MDM2: variants seen among roughly 807,000 people sequenced by gnomAD.
The protein encoded by MDM2 is E3 ubiquitin-protein ligase Mdm2.
A neutral mutation model predicts 64.3 loss-of-function variants in MDM2; 11 were observed. That is an observed-to-expected ratio of 0.17 (90% CI 0.11 to 0.28). The LOEUF (loss-of-function observed/expected upper bound fraction) is 0.28. MDM2 is among the 10% of genes least tolerant of loss of function. The pLI, the probability that MDM2 is intolerant of heterozygous loss-of-function variation, is 1.00. For missense variants in MDM2, 388 were observed against 577.1 expected, an observed-to-expected ratio of 0.67 and a Z score of 3.36; for synonymous variants, 194 against 192.9, an observed-to-expected ratio of 1.01 and a Z score of -0.05.
chr12:68,833,289 A>G (rs192113915), intron 8 of MDM2, among the ~76,000 whole-genome samples: 3,176 of 110,946 alleles, frequency 0.029, 225 homozygotes, highest in African/African-American at 0.1. Context: ...AAATATAAAT[A>G]TATATATTTA....
chr12:68,822,810 G>A (rs1381703212), intron 5 of MDM2, among the ~76,000 whole-genome samples: 1 of 151,402 alleles, frequency 6.6e-6, no homozygotes, highest in African/African-American at 2.4e-5. Flanking sequence ...GTGCGATCTC[G>A]GATCACTGCA....
chr12:68,809,237 C>T lies in MDM2; in HGVS notation c.44C>T (p.Pro15Leu), dbSNP rs201821879. 756 of 1,613,790 alleles carry T rather than the reference C, an allele frequency of 4.7e-4. No homozygotes were observed. Among genetic ancestry groups the T allele is most frequent in the Non-Finnish European group, 6.0e-4 (705 of 1,179,916 alleles). The change falls in exon 2 of 11, where the codon CCT (proline) becomes CTT (leucine). Residue 15 changes from proline (P) to leucine (L), a missense_variant. Around this residue, in one of 5 missense-constraint regions of MDM2, gnomAD observed 46 missense variants for 45.2 expected, o/e 1.02. Transcript: ENST00000258149. ...RQMCNTNMSV[P>L]TDGAVTTSQI... The stretch of plus-strand genomic sequence containing the variant: ...ATGTGCAATACCAACATGTCTGTAC[C>T]TACTGATGGTGCTGTAACCACCTCA...
chr12:68,810,173 A>G (rs1880739210), intron 2 of MDM2, among the ~76,000 whole-genome samples: 2 of 152,152 alleles, frequency 1.3e-5, no homozygotes, highest in South Asian at 4.2e-4. Context: ...TTAGTCGGGC[A>G]TGGTGGCGCG....
In MDM2 at chr12:68,844,964, C is replaced by G. The variant is rs1424918311; in HGVS notation, c.*5115C>G. The G allele has an allele frequency of 5.2e-6, 1 of 193,584 alleles. No homozygotes were observed. The highest frequency in any genetic ancestry group is 1.1e-5 in the Non-Finnish European group (1 of 92,796). 12.0% of individuals were successfully genotyped at this position (193,584 alleles called of 1,614,324 possible). ...TGTATTTCTAGCAGAGATGAAGTTTCACTATGTTGGCCAGGCTGGGCTCAA... is the reference window on the plus strand; with the variant it reads ...TGTATTTCTAGCAGAGATGAAGTTTGACTATGTTGGCCAGGCTGGGCTCAA... On this transcript the variant is annotated 3_prime_UTR_variant, in exon 11 of 11. Coordinates refer to ENST00000258149, the MANE Select transcript of MDM2 (RefSeq NM_002392.6).
chr12:68,812,254 T>A (rs1880971049), intron 2 of MDM2, among the ~76,000 whole-genome samples: 1 of 152,194 alleles, frequency 6.6e-6, no homozygotes, highest in Non-Finnish European at 1.5e-5. Flanking sequence ...GTATTTTAAA[T>A]TTTTCAATTG....
intron 1 of MDM2, 111 bp downstream of exon 1, chr12:68,808,602 GGGGGCTC>G (rs976674352): frequency 8.0e-6 from 12 of 1,493,130 alleles, no homozygotes; most frequent in African/African-American, 4.2e-5. Context: ...GTTCGTGGCT[GGGGGCTC>G]GGGGCGCGGG....
chr12:68,844,776 T>G lies in MDM2; in HGVS notation c.*4927T>G, dbSNP rs1295198604. 1 of 202,774 alleles carries G rather than the reference T, an allele frequency of 4.9e-6. No individual in the cohort carries two copies. The highest frequency in any genetic ancestry group is 7.5e-5 in the East Asian group (1 of 13,278). The allele number at this position is 202,774 out of a possible 1,614,324, so 12.6% of individuals were successfully genotyped here. ...AATAAGGGTTTTATTTTATTTTTAT[T>G]TATTTTTTGAGACGGAGTCTTGCTC... On this transcript the variant is annotated 3_prime_UTR_variant, in exon 11 of 11. Coordinates refer to ENST00000258149, the MANE Select transcript of MDM2 (RefSeq NM_002392.6).
chr12:68,808,528 G>C (rs774788632), intron 1 of MDM2, 37 bp downstream of exon 1: 3 of 1,613,528 alleles, frequency 1.9e-6, no homozygotes, highest in Admixed American at 1.7e-5. Flanking sequence ...TTTTGGGTCT[G>C]GGCTCTGACG....
rs1255740575 is a variant in MDM2, at chr12:68,841,767, C to G, written c.*1918C>G. The G allele has an allele frequency of 4.9e-6, 1 of 205,044 alleles. No individual in the cohort carries two copies. Among genetic ancestry groups the G allele is most frequent in the East Asian group, 7.5e-5 (1 of 13,352 alleles). 12.7% of individuals were successfully genotyped at this position (205,044 alleles called of 1,614,324 possible). The stretch of plus-strand genomic sequence containing the variant: ...GATAAACAGAATTGTTATTTAAAAA[C>G]TAACTGGAAAGATTGTTAAGTTCTT... On this transcript the variant is annotated 3_prime_UTR_variant, in exon 11 of 11. Transcript: ENST00000258149.
chr12:68,838,297 G>GCTATGCCTATGCT (rs1386089142), intron 10 of MDM2, among the ~76,000 whole-genome samples: 6 of 152,190 alleles, frequency 3.9e-5, no homozygotes, highest in Non-Finnish European at 8.8e-5. Context: ...GCTAAGGCAA[G>GCTATGCCTATGCT]AAGATAGGTT....
chr12:68,848,628 A>G (rs1172665394), downstream of MDM2: 3 of 152,322 alleles, frequency 2.0e-5, no homozygotes, highest in Non-Finnish European at 2.9e-5. Context: ...ATTGCTCCCT[A>G]CAAAAAAGGC....
chr12:68,845,764 TTTTG>T (rs1426993781), downstream of MDM2: 2 of 155,920 alleles, frequency 1.3e-5, no homozygotes, highest in Non-Finnish European at 1.4e-5. Context: ...AAATTTCACC[TTTTG>T]TTTGTTTTGT....
rs746756850 is a variant in MDM2, at chr12:68,844,224, TTAAAA to T, written c.*4378_*4382del. The T allele has an allele frequency of 9.5e-6, 2 of 211,626 alleles. No individual in the cohort carries two copies. Among genetic ancestry groups the T allele is most frequent in the Non-Finnish European group, 9.6e-6 (1 of 104,544 alleles). 13.1% of individuals were successfully genotyped at this position (211,626 alleles called of 1,614,324 possible). ...TTTGATCTTAAATTTTTATGAGTTG[TTAAAA>T]TAGAAATTATTTGAATATCATATAT... On this transcript the variant is annotated 3_prime_UTR_variant, in exon 11 of 11. Transcript: ENST00000258149.
At chr12:68,825,536 C>A (rs1221688224) in intron 7 of MDM2, among the ~76,000 whole-genome samples, 1 of 152,098 alleles carries the variant, frequency 6.6e-6, no homozygotes, top group Non-Finnish European at 1.5e-5. Context: ...GCCTGTAGTC[C>A]CAGCTACTCG....
intron 7 of MDM2, among the ~76,000 whole-genome samples, chr12:68,825,580 G>A (rs1882245481): frequency 6.6e-6 from 1 of 152,226 alleles, no homozygotes; most frequent in Non-Finnish European, 1.5e-5. Flanking sequence ...ATGAACTGGG[G>A]AGGCAGAGCT....
chr12:68,822,758 T>TTTTTTTTA (rs1881969690), intron 5 of MDM2, among the ~76,000 whole-genome samples: 2 of 149,032 alleles, frequency 1.3e-5, no homozygotes, highest in African/African-American at 4.9e-5. Context: ...TTTTTTTTTT[T>TTTTTTTTA]GAGATGGAGT....
intron 3 of MDM2, among the ~76,000 whole-genome samples, chr12:68,816,431 G>A (rs1316458458): frequency 1.6e-5 from 2 of 122,070 alleles, no homozygotes; most frequent in Non-Finnish European, 3.0e-5. Context: ...GGAGTGCAGT[G>A]GCGCAATCTC....
Position 68,844,701 on chromosome 12 carries a change from A to G in MDM2, c.*4852A>G, listed in dbSNP as rs1012687931. The G allele has an allele frequency of 2.3e-5, 5 of 221,160 alleles. No individual in the cohort carries two copies. The highest frequency in any genetic ancestry group is 5.8e-5 in the Admixed American group (1 of 17,360). The allele number at this position is 221,160 out of a possible 1,614,324, so 13.7% of individuals were successfully genotyped here. ...GCAGGAGCTTGTGGGCCCCTAAGCC[A>G]GACGGGGACTAGCTTTTGGCATTAT... On this transcript the variant is annotated 3_prime_UTR_variant, in exon 11 of 11. Coordinates refer to ENST00000258149, the MANE Select transcript of MDM2 (RefSeq NM_002392.6).
intron 2 of MDM2, among the ~76,000 whole-genome samples, chr12:68,811,601 A>ATTTTTTT (rs34328350): frequency 2.6e-5 from 3 of 114,346 alleles, no homozygotes; most frequent in Non-Finnish European, 5.2e-5. Context: ...TCCATTACAG[A>ATTTTTTT]TTTTTTTTTT....
Sources: gnomAD v4.1 joint callset for allele counts (sites outside exome capture counted in the v4.1 genomes callset) on GRCh38, gnomAD v4.1.1 for gene constraint, gnomAD v4.1.1 regional missense constraint, MANE v1.5 for transcripts, NCBI Gene and HGNC (gene_info 2026-07-23, HGNC 2026-07-21) for gene names.